MECOM: variants seen among roughly 807,000 people sequenced by gnomAD.
MECOM encodes MDS1 and EVI1 complex locus, also known as histone-lysine N-methyltransferase MECOM.
A neutral mutation model predicts 116.3 loss-of-function variants in MECOM; 13 were observed. The ratio of observed to expected loss-of-function variants is 0.11; its 90% confidence interval spans 0.07 to 0.18. The LOEUF is 0.18. Among genes scored for constraint, MECOM ranks in the 10% least tolerant of loss-of-function variants. MECOM has a pLI of 1.00. For missense variants in MECOM, 1,299 were observed against 1,509.0 expected (o/e 0.86, Z 2.31); for synonymous variants, 528 against 535.2 (o/e 0.99, Z 0.19).
chr3:169,504,459 T>C (rs1754956381), intron 1 of MECOM, among the ~76,000 whole-genome samples: 1 of 152,176 alleles, frequency 6.6e-6, no homozygotes, highest in Non-Finnish European at 1.5e-5. Flanking sequence ...TTTTAAAAAG[T>C]CTTTTTAATA....
chr3:169,235,336 T>C (rs1430724427), intron 2 of MECOM, among the ~76,000 whole-genome samples: 1 of 152,178 alleles, frequency 6.6e-6, no homozygotes, highest in Non-Finnish European at 1.5e-5. Context: ...GAAATGTTGC[T>C]GTTTATTTCT....
At chr3:169,359,892 G>C (rs762916805) in intron 2 of MECOM, among the ~76,000 whole-genome samples, 19 of 151,736 alleles carry the variant, frequency 1.3e-4, no homozygotes, top group Non-Finnish European at 2.4e-4. Flanking sequence ...AGTAAGTAAA[G>C]AATCATAGCA....
intron 2 of MECOM, among the ~76,000 whole-genome samples, chr3:169,289,728 C>G (rs74785887): frequency 0.035 from 5,302 of 152,112 alleles, 275 homozygotes; most frequent in African/African-American, 0.12. Context: ...TTGTAGTGCT[C>G]GGGCAGGGGA....
At chr3:169,200,190 A>G (rs1288658619) in intron 2 of MECOM, among the ~76,000 whole-genome samples, 1 of 152,076 alleles carries the variant, frequency 6.6e-6, no homozygotes, top group Non-Finnish European at 1.5e-5. Flanking sequence ...GGTCTAACCA[A>G]TTCAAAGCTA....
chr3:169,134,844 G>A (rs1302396796), intron 3 of MECOM, among the ~76,000 whole-genome samples: 2 of 152,126 alleles, frequency 1.3e-5, no homozygotes, highest in African/African-American at 4.8e-5. Flanking sequence ...TAATTTAAAT[G>A]AAAACAAAAT....
At chr3:169,436,358 C>T (rs190900115) in intron 1 of MECOM, among the ~76,000 whole-genome samples, 5 of 150,710 alleles carry the variant, frequency 3.3e-5, no homozygotes, top group African/African-American at 7.3e-5. Context: ...TCAAGCGATT[C>T]CCCTGCCTCA....
At chr3:169,417,785 T>G (rs1738932767) in intron 1 of MECOM, among the ~76,000 whole-genome samples, 1 of 152,018 alleles carries the variant, frequency 6.6e-6, no homozygotes, top group Non-Finnish European at 1.5e-5. Context: ...GCCATAAAAA[T>G]GATGAGTTCA....
intron 1 of MECOM, among the ~76,000 whole-genome samples, chr3:169,494,012 T>C (rs1478275707): frequency 6.6e-6 from 1 of 152,130 alleles, no homozygotes; most frequent in Non-Finnish European, 1.5e-5. Context: ...TCATCTTTGA[T>C]GGTTGGTGTG....
intron 1 of MECOM, among the ~76,000 whole-genome samples, chr3:169,542,826 T>C (rs980109046): frequency 1.6e-4 from 24 of 152,226 alleles, no homozygotes; most frequent in African/African-American, 5.3e-4. Flanking sequence ...GGGGTTATCA[T>C]TAATGATCTG....
chr3:169,438,753 T>C (rs1202227563), intron 1 of MECOM, among the ~76,000 whole-genome samples: 2 of 152,204 alleles, frequency 1.3e-5, no homozygotes, highest in African/African-American at 4.8e-5. Context: ...TATCGGGTTT[T>C]CTTGTTCCAA....
At chr3:169,404,522 C>T (rs1272195199) in intron 1 of MECOM, among the ~76,000 whole-genome samples, 1 of 152,178 alleles carries the variant, frequency 6.6e-6, no homozygotes, top group African/African-American at 2.4e-5. Flanking sequence ...GCAAACAATC[C>T]AAAAATCTTT....
Position 169,381,367 on chromosome 3 carries a change from T to A in MECOM, c.195A>T (p.Lys65Asn), listed in dbSNP as rs1188279586. The change falls in exon 2 of 17, where the codon AAA becomes AAT. Residue 65 changes from lysine (K) to asparagine (N), a missense_variant. Around this residue, in one of 6 missense-constraint regions of MECOM, gnomAD observed 374 missense variants for 433.4 expected, o/e 0.86. Coordinates refer to ENST00000651503, the MANE Select transcript of MECOM (RefSeq NM_004991.4). ...AFTPKEGSPY[K>N]APIYIPDDIP... is the part of the protein sequence containing the mutation. ...TATCATCAGGGATGTAGATGGGGGCTTTGTAAGGAGAACCCTCCTTTGGAG... is the reference window on the plus strand; with the variant it reads ...TATCATCAGGGATGTAGATGGGGGCATTGTAAGGAGAACCCTCCTTTGGAG... 21 of 1,613,906 alleles carry A rather than the reference T, an allele frequency of 1.3e-5. No individual in the cohort carries two copies. Among genetic ancestry groups the A allele is most frequent in the Non-Finnish European group, 1.8e-5 (21 of 1,179,826 alleles).
intron 1 of MECOM, among the ~76,000 whole-genome samples, chr3:169,436,201 T>A (rs984011216): frequency 6.6e-6 from 1 of 151,508 alleles, no homozygotes; most frequent in African/African-American, 2.4e-5. Context: ...CAATTGGTTC[T>A]GAGTCTATGA....
intron 1 of MECOM, among the ~76,000 whole-genome samples, chr3:169,659,728 C>G (rs906982725): frequency 2.6e-5 from 4 of 152,018 alleles, no homozygotes; most frequent in Non-Finnish European, 2.9e-5. Flanking sequence ...GGTGGGCATA[C>G]AGAGAGTAAA....
In MECOM at chr3:169,308,362, G is replaced by C. The variant is rs960198467; in HGVS notation, c.375+72825C>G. On this transcript the variant is annotated intron_variant, in intron 2 of 16. Transcript: ENST00000651503. ...ATATTGGTATTTACAGATACAGTGAGACATATTATATAAATTGGGAGTTAT... is the reference window on the plus strand; with the variant it reads ...ATATTGGTATTTACAGATACAGTGACACATATTATATAAATTGGGAGTTAT... 3.3e-5 allele frequency among the ~76,000 whole-genome samples: 5 copies of C among 152,176 alleles called. No individual in the cohort carries two copies. The East Asian group carries it at 9.6e-4, about 29-fold the overall frequency.
At chr3:169,124,041 A>G (rs943230825) in intron 5 of MECOM, among the ~76,000 whole-genome samples, 1 of 152,124 alleles carries the variant, frequency 6.6e-6, no homozygotes, top group African/African-American at 2.4e-5. Flanking sequence ...CGCGAAATTA[A>G]TCCAGGTAAT....
chr3:169,094,929 C>G, intron 13 of MECOM, 147 bp downstream of exon 13: 1 of 627,006 alleles, frequency 1.6e-6, no homozygotes. Context: ...ATTCTAAAAT[C>G]TCAACAGAAA....
At chr3:169,529,633 C>T (rs561600234) in intron 1 of MECOM, among the ~76,000 whole-genome samples, 9 of 152,282 alleles carry the variant, frequency 5.9e-5, no homozygotes, top group East Asian at 3.9e-4. Context: ...ATCACAGCAA[C>T]GAAGAATTTG....
chr3:169,314,285 C>T (rs952849850), intron 2 of MECOM, among the ~76,000 whole-genome samples: 12 of 152,314 alleles, frequency 7.9e-5, no homozygotes, highest in African/African-American at 2.9e-4. Flanking sequence ...CTGCACAATG[C>T]CTGGCACATA....
Sources: allele counts gnomAD v4.1 joint callset (sites outside exome capture counted in the v4.1 genomes callset), GRCh38; gene constraint gnomAD v4.1.1; regional missense constraint gnomAD v4.1.1; transcripts MANE v1.5; gene names NCBI Gene and HGNC (gene_info 2026-07-23, HGNC 2026-07-21).